Variants in GNAL observed in about 807,000 individuals in gnomAD.
GNAL encodes guanine nucleotide-binding protein G(olf) subunit alpha.
In GNAL, 18 loss-of-function variants were observed where a neutral mutation model predicts 55.1. The observed-to-expected ratio is 0.33, with a 90% CI of 0.23 to 0.48. GNAL has a LOEUF of 0.48. Ranked by LOEUF, GNAL falls within the 20% of genes least tolerant of loss-of-function variation. The pLI is 0.99. For missense variants in GNAL, 412 were observed against 614.1 expected (o/e 0.67, Z 3.48); for synonymous variants, 253 against 237.0 (o/e 1.07, Z -0.62).
chr18:11,777,782 G>A (rs928322137), intron 4 of GNAL, among the ~76,000 whole-genome samples: 3 of 152,110 alleles, frequency 2.0e-5, no homozygotes, highest in African/African-American at 7.2e-5. Context: ...CCTAGCACTC[G>A]TTACATCCTA....
rs114081424 is a variant in GNAL, at chr18:11,885,190, C to T, written c.*4055C>T. On this transcript the variant is annotated 3_prime_UTR_variant, in exon 12 of 12. Coordinates refer to ENST00000334049, the MANE Select transcript of GNAL (RefSeq NM_182978.4). ...CTTTTTATGAAGTAAAAGAACCTGT[C>T]GTACCAGCATCATGAGCTGGATGCA... 16 of 519,324 alleles carry T rather than the reference C, an allele frequency of 3.1e-5. 1 individual carries two copies. The highest frequency in any genetic ancestry group is 7.1e-4 in the Middle Eastern group (2 of 2,800). 32.2% of individuals were successfully genotyped at this position (519,324 alleles called of 1,614,324 possible).
At chr18:11,829,537 G>T (rs543631487) in intron 5 of GNAL, among the ~76,000 whole-genome samples, 3 of 152,242 alleles carry the variant, frequency 2.0e-5, no homozygotes, top group African/African-American at 7.2e-5. Context: ...CTTCATAAAA[G>T]AAAGGACATT....
intron 11 of GNAL, among the ~76,000 whole-genome samples, chr18:11,878,904 T>C (rs1303818750): frequency 6.7e-6 from 1 of 150,276 alleles, no homozygotes; most frequent in Non-Finnish European, 1.5e-5. Flanking sequence ...ACACACTTAC[T>C]GTGTATGTGC....
At chr18:11,754,572 C>T (rs1031273530) in intron 4 of GNAL, among the ~76,000 whole-genome samples, 2 of 152,062 alleles carry the variant, frequency 1.3e-5, no homozygotes, top group Admixed American at 1.3e-4. Context: ...TAAGCAGTTT[C>T]CCAGATAAAA....
Position 11,752,688 on chromosome 18 carries a change from G to A in GNAL, c.377-165G>A. On this transcript the variant is annotated intron_variant, in intron 1 of 11. Transcript: ENST00000334049. The surrounding 1 kb of genome is among the most constrained non-coding windows in gnomAD (Gnocchi z 4.5). ...CCGGGCGAGGGTCGCGCGCACCTCT[G>A]GGCCGCGGAGCCCAGACGGCGGCCG... 3.2e-6 allele frequency: 4 copies of A among 1,261,624 alleles called. No individual in the cohort carries two copies. Among genetic ancestry groups the A allele is most frequent in the East Asian group, 2.9e-5 (1 of 34,284 alleles). The allele number at this position is 1,261,624 out of a possible 1,614,324, so 78.2% of individuals were successfully genotyped here.
At chr18:11,778,672 TG>T (rs1244989981) in intron 4 of GNAL, among the ~76,000 whole-genome samples, 2 of 152,112 alleles carry the variant, frequency 1.3e-5, no homozygotes, top group African/African-American at 2.4e-5. Context: ...AAAGGTGTTA[TG>T]GGGTCAGTGT....
At chr18:11,788,936 T>TATATATATATATATATATAC (rs1219351502) in intron 4 of GNAL, among the ~76,000 whole-genome samples, 3 of 128,912 alleles carry the variant, frequency 2.3e-5, no homozygotes, top group Admixed American at 7.6e-5. Flanking sequence ...TATATATATA[T>TATATATATATATATATATAC]ACACATATAT....
rs913609096 is a variant in GNAL at position 11,768,710 on chromosome 18, T to C, written c.624+14765T>C. ...GAGATCAAGAACATCCTGGCTAACATGGTGAAACCCCGTCTCTACTAAAAA... is the reference window on the plus strand; with the variant it reads ...GAGATCAAGAACATCCTGGCTAACACGGTGAAACCCCGTCTCTACTAAAAA... On this transcript the variant is annotated intron_variant, in intron 4 of 11. Coordinates refer to ENST00000334049, the MANE Select transcript of GNAL (RefSeq NM_182978.4). 1.4e-4 allele frequency among the ~76,000 whole-genome samples: 21 copies of C among 150,228 alleles called. No individual in the cohort carries two copies. The South Asian group carries it at 1.5e-3, about 10-fold the overall frequency.
In GNAL at chr18:11,882,136, A is replaced by C. The variant is rs1165640185; in HGVS notation, c.*1001A>C. ...ATCCACATTCTATCGACAATGTACC[A>C]ACATCACAAGCTGTTGCAACCACCT... On this transcript the variant is annotated 3_prime_UTR_variant, in exon 12 of 12. Transcript: ENST00000334049. The C allele has an allele frequency of 1.3e-5, 2 of 152,220 alleles. No individual in the cohort carries two copies. Among genetic ancestry groups the C allele is most frequent in the African/African-American group, 4.8e-5 (2 of 41,452 alleles). The allele number at this position is 152,220 out of a possible 1,614,324, so 9.4% of individuals were successfully genotyped here.
chr18:11,794,641 T>A (rs1598464949), intron 4 of GNAL, among the ~76,000 whole-genome samples: 2 of 152,084 alleles, frequency 1.3e-5, no homozygotes, highest in South Asian at 2.1e-4. Flanking sequence ...TGAAAATGCC[T>A]TTCAACTAGA....
intron 5 of GNAL, among the ~76,000 whole-genome samples, chr18:11,858,234 T>C (rs544240247): frequency 1.1e-3 from 167 of 151,968 alleles, no homozygotes; most frequent in African/African-American, 3.8e-3. Context: ...CAAACATGAG[T>C]GTCCTCAGCT....
intron 4 of GNAL, among the ~76,000 whole-genome samples, chr18:11,775,750 G>A (rs896410462): frequency 5.3e-5 from 8 of 152,228 alleles, no homozygotes; most frequent in African/African-American, 1.2e-4. Flanking sequence ...AGTGACTGAC[G>A]CAAGATCCTA....
intron 4 of GNAL, among the ~76,000 whole-genome samples, chr18:11,804,146 A>G (rs202192448): frequency 0.21 from 20,861 of 97,730 alleles, 8 homozygotes; most frequent in African/African-American, 0.32. Context: ...GTACAGGTGC[A>G]GTTTGGATGG....
chr18:11,734,870 A>G (rs2032426037), intron 1 of GNAL, among the ~76,000 whole-genome samples: 1 of 149,384 alleles, frequency 6.7e-6, no homozygotes, highest in Non-Finnish European at 1.5e-5. Context: ...CATTTAGACC[A>G]GCGTCCCCTA....
intron 1 of GNAL, among the ~76,000 whole-genome samples, chr18:11,705,197 A>T (rs2031678597): frequency 6.6e-6 from 1 of 152,202 alleles, no homozygotes; most frequent in African/African-American, 2.4e-5. Flanking sequence ...ATATAAATGG[A>T]ATCATGCAGT....
chr18:11,826,818 C>T (rs2035258309), intron 5 of GNAL, among the ~76,000 whole-genome samples: 1 of 152,200 alleles, frequency 6.6e-6, no homozygotes, highest in Non-Finnish European at 1.5e-5. Flanking sequence ...ATCGAGCAGT[C>T]AGTCTGTTGT....
At chr18:11,746,014 C>T (rs2032680455) in intron 1 of GNAL, 4 of 308,758 alleles carry the variant, frequency 1.3e-5, no homozygotes, top group South Asian at 6.1e-5. Flanking sequence ...CCTAGGGAGT[C>T]GGGTTTTGTT....
chr18:11,758,145 C>G (rs1198944522), intron 4 of GNAL, among the ~76,000 whole-genome samples: 1 of 152,018 alleles, frequency 6.6e-6, no homozygotes, highest in Non-Finnish European at 1.5e-5. Flanking sequence ...GTCCAGTCCT[C>G]GAGAAGAATG....
intron 4 of GNAL, among the ~76,000 whole-genome samples, chr18:11,763,933 G>T (rs1357886229): frequency 6.6e-6 from 1 of 152,026 alleles, no homozygotes; most frequent in African/African-American, 2.4e-5. Context: ...TTTGTATTTG[G>T]AGCAACAGCA....
Sources: gnomAD v4.1 joint callset for allele counts (sites outside exome capture counted in the v4.1 genomes callset) on GRCh38, gnomAD v4.1.1 for gene constraint, Gnocchi (gnomAD v3.1) non-coding constraint, MANE v1.5 for transcripts, NCBI Gene and HGNC (gene_info 2026-07-23, HGNC 2026-07-21) for gene names.